The following TBC1D9 variants were observed in gnomAD, a reference collection of about 807,000 sequenced individuals.
TBC1D9 encodes TBC1 domain family member 9.
In TBC1D9, 63 loss-of-function variants were observed where a neutral mutation model predicts 132.0. The observed-to-expected ratio is 0.48, with a 90% confidence interval of 0.39 to 0.59. The LOEUF is 0.59. Ranked by LOEUF, TBC1D9 falls within the 20% of genes least tolerant of loss-of-function variation. The pLI, the probability that TBC1D9 is intolerant of heterozygous loss-of-function variation, is 0.00. For synonymous variants in TBC1D9, 610 were observed against 609.9 expected (o/e 1.00, Z 0.00); for missense variants, 1,261 against 1,592.7 (o/e 0.79, Z 3.54).
Position 140,686,430 on chromosome 4 carries a change from C to G in TBC1D9, c.274G>C (p.Glu92Gln). The G allele has an allele frequency of 6.2e-7, 1 of 1,611,642 alleles. No homozygotes were observed. The highest frequency in any genetic ancestry group is 8.5e-7 in the Non-Finnish European group (1 of 1,178,346). ...TGCAAGAGATTTTGCTCAAGCCATT[C>G]CCAGTGTTCAGTGATTTCTTTCCTG... ...GSRKEITEHW[E>Q]WLEQNLLQTL... Residue 92 changes from glutamate to glutamine, a missense_variant, in exon 3 of 21, where the codon GAA becomes CAA. Glu to Gln is a conservative substitution (Grantham distance 29). Around this residue, in one of 3 missense-constraint regions of TBC1D9, gnomAD observed 550 missense variants for 699.0 expected, o/e 0.79. Transcript: ENST00000442267.
chr4:140,629,531 T>G (rs1736759816), intron 16 of TBC1D9, among the ~76,000 whole-genome samples: 2 of 152,308 alleles, frequency 1.3e-5, no homozygotes, highest in South Asian at 4.1e-4. Flanking sequence ...TCCTCAAGCT[T>G]ATCTTTTTGG....
rs767156397 is a variant in TBC1D9, at chr4:140,622,368, C to T, written c.3628G>A (p.Ala1210Thr). Residue 1210 changes from alanine to threonine, a missense_variant, in exon 21 of 21, where the codon GCC (alanine) becomes ACC (threonine). By Grantham distance (58) the Ala-to-Thr change is moderately conservative. Coordinates refer to ENST00000442267, the MANE Select transcript of TBC1D9 (RefSeq NM_015130.3). ...GCCAGGAACTGCTCGAAGGTGATGG[C>T]CCAGTCCCGGTCCAGGCTGGTGCTC... The part of the protein sequence containing the change: ...PRSTSLDRDW[A>T]ITFEQFLASL... The T allele has an allele frequency of 1.2e-6, 2 of 1,613,328 alleles. No individual in the cohort carries two copies. The highest frequency in any genetic ancestry group is 2.2e-5 in the South Asian group (2 of 91,050).
At chr4:140,731,277 C>T (rs991529813) in intron 1 of TBC1D9, among the ~76,000 whole-genome samples, 1 of 152,176 alleles carries the variant, frequency 6.6e-6, no homozygotes, top group East Asian at 1.9e-4. Flanking sequence ...GTGTAAGGCA[C>T]TCAGCACAGT....
At chr4:140,735,343 T>A (rs935849475) in intron 1 of TBC1D9, among the ~76,000 whole-genome samples, 2 of 152,196 alleles carry the variant, frequency 1.3e-5, no homozygotes, top group Non-Finnish European at 2.9e-5. Context: ...CTTTATAAAA[T>A]CCTGTGTTCA....
Position 140,624,381 on chromosome 4 carries a change from T to C in TBC1D9, c.2907A>G (p.Gly969=). ...DITPECTHVV[G]LDSRSKQGAD... is the part of the protein sequence containing the mutation. Reference sequence around the variant, plus strand: ...CACCCTGTTTGCTTCTGCTATCCAATCCAACAACTACCAAGAAATGGTTCA... The same window carrying C: ...CACCCTGTTTGCTTCTGCTATCCAACCCAACAACTACCAAGAAATGGTTCA... The change falls in exon 19 of 21, where the codon GGA becomes GGG. Residue 969 remains glycine (G), a synonymous_variant. Transcript: ENST00000442267. 1 of 1,613,080 alleles carries C rather than the reference T, an allele frequency of 6.2e-7. No individual in the cohort carries two copies. The highest frequency in any genetic ancestry group is 8.5e-7 in the Non-Finnish European group (1 of 1,179,668).
intron 17 of TBC1D9, among the ~76,000 whole-genome samples, chr4:140,627,956 C>T (rs1173934885): frequency 6.6e-6 from 1 of 152,170 alleles, no homozygotes; most frequent in Non-Finnish European, 1.5e-5. Context: ...TTGAAAAAAC[C>T]TCACCATTTT....
intron 1 of TBC1D9, among the ~76,000 whole-genome samples, chr4:140,708,098 A>C (rs2111045239): frequency 6.6e-6 from 1 of 152,336 alleles, no homozygotes; most frequent in East Asian, 1.9e-4. Flanking sequence ...CTGAATATTT[A>C]TAATGTGGAC....
chr4:140,696,565 G>A (rs1169753534), intron 2 of TBC1D9, among the ~76,000 whole-genome samples: 5 of 150,842 alleles, frequency 3.3e-5, no homozygotes, highest in African/African-American at 4.9e-5. Context: ...TCATATTGCC[G>A]AGGGCCAGGT....
At chr4:140,646,066 CTG>C (rs1050673720) in intron 13 of TBC1D9, among the ~76,000 whole-genome samples, 6 of 152,192 alleles carry the variant, frequency 3.9e-5, no homozygotes. Flanking sequence ...ATGGCAGAGA[CTG>C]TGTGACCAGG....
chr4:140,749,972 A>T (rs1464725263), intron 1 of TBC1D9, among the ~76,000 whole-genome samples: 1 of 152,110 alleles, frequency 6.6e-6, no homozygotes, highest in Non-Finnish European at 1.5e-5. Context: ...CTTGAAAATC[A>T]GTTACTATAA....
At chr4:140,681,520 A>G (rs115212684) in intron 3 of TBC1D9, among the ~76,000 whole-genome samples, 10 of 152,286 alleles carry the variant, frequency 6.6e-5, no homozygotes, top group African/African-American at 2.2e-4. Context: ...GACAATAATC[A>G]TAACAGCAAA....
chr4:140,648,390 T>G (rs1246863121), intron 13 of TBC1D9, among the ~76,000 whole-genome samples: 2 of 150,424 alleles, frequency 1.3e-5, no homozygotes, highest in Admixed American at 6.6e-5. Context: ...TTGTTGTTTT[T>G]TTTTTTTTTT....
In TBC1D9 at chr4:140,709,231, C is replaced by G. The variant is rs982563928; in HGVS notation, c.131-7617G>C. Among the ~76,000 whole-genome samples, 6 of 103,642 alleles carry G rather than the reference C, an allele frequency of 5.8e-5. No individual in the cohort carries two copies. The East Asian group carries it at 1.5e-3, about 26-fold the overall frequency. 68.0% of individuals were successfully genotyped at this position (103,642 alleles called of 152,430 possible). On this transcript the variant is annotated intron_variant, in intron 1 of 20. Coordinates refer to ENST00000442267, the MANE Select transcript of TBC1D9 (RefSeq NM_015130.3). The stretch of plus-strand genomic sequence containing the variant: ...AGGAACCAGCCTTATCTCTCTCTCT[C>G]TCTCTCTCTCTCTCTCTCACACACA...
chr4:140,621,182 CA>C lies in TBC1D9; in HGVS notation c.*1012del, dbSNP rs1168490487. ...TAAAACATTCAGTTACATTATCTTG[CA>C]GATTTTTTTTCAGTTTACATTATCT... On this transcript the variant is annotated 3_prime_UTR_variant, in exon 21 of 21. Coordinates refer to ENST00000442267, the MANE Select transcript of TBC1D9 (RefSeq NM_015130.3). 1 of 152,552 alleles carries C rather than the reference CA, an allele frequency of 6.6e-6. No homozygotes were observed. Among genetic ancestry groups the C allele is most frequent in the Non-Finnish European group, 1.5e-5 (1 of 68,004 alleles). 9.4% of individuals were successfully genotyped at this position (152,552 alleles called of 1,614,324 possible).
At chr4:140,652,613 C>T (rs1037616445) in intron 13 of TBC1D9, among the ~76,000 whole-genome samples, 1 of 152,214 alleles carries the variant, frequency 6.6e-6, no homozygotes, top group African/African-American at 2.4e-5. Context: ...TGGATACTGG[C>T]TGCCACTTTC....
intron 9 of TBC1D9, among the ~76,000 whole-genome samples, chr4:140,665,240 A>T (rs897163760): frequency 2.6e-5 from 4 of 152,204 alleles, no homozygotes; most frequent in Non-Finnish European, 4.4e-5. Context: ...AAAAATAGAC[A>T]AATTGTATTT....
chr4:140,726,481 G>A (rs1336511646), intron 1 of TBC1D9, among the ~76,000 whole-genome samples: 1 of 151,988 alleles, frequency 6.6e-6, no homozygotes, highest in African/African-American at 2.4e-5. Flanking sequence ...GGGCTTGAAA[G>A]TAGAGACATT....
At chr4:140,748,128 G>A (rs1738865340) in intron 1 of TBC1D9, among the ~76,000 whole-genome samples, 1 of 151,798 alleles carries the variant, frequency 6.6e-6, no homozygotes, top group African/African-American at 2.4e-5. Context: ...AGTTAATTGA[G>A]GCCTTACAAG....
chr4:140,707,652 A>G (rs1303204642), intron 1 of TBC1D9, among the ~76,000 whole-genome samples: 1 of 152,224 alleles, frequency 6.6e-6, no homozygotes, highest in Non-Finnish European at 1.5e-5. Flanking sequence ...ATTCAGAAGC[A>G]GCTGCTGACA....
Sources: gnomAD v4.1 joint callset for allele counts (sites outside exome capture counted in the v4.1 genomes callset) on GRCh38, gnomAD v4.1.1 for gene constraint, gnomAD v4.1.1 regional missense constraint, MANE v1.5 for transcripts, NCBI Gene and HGNC (gene_info 2026-07-23, HGNC 2026-07-21) for gene names.